The following NLGN1 variants were observed in gnomAD, a reference collection of about 807,000 sequenced individuals.
NLGN1 encodes the protein neuroligin-1.
In NLGN1, 12 loss-of-function variants were observed where a neutral mutation model predicts 65.5. That is an observed-to-expected ratio of 0.18 (90% CI 0.12 to 0.30). The LOEUF (loss-of-function observed/expected upper bound fraction) is 0.30, where lower values mean the gene tolerates loss of function less well. Ranked by LOEUF, NLGN1 falls within the 10% of genes least tolerant of loss-of-function variation. The pLI is 1.00. For synonymous variants in NLGN1, 350 were observed against 359.5 expected (o/e 0.97, Z 0.30); for missense variants, 750 against 1,007.1 (o/e 0.74, Z 3.46).
intron 3 of NLGN1, among the ~76,000 whole-genome samples, chr3:173,742,190 A>T (rs1774753405): frequency 6.6e-6 from 1 of 152,086 alleles, no homozygotes; most frequent in Non-Finnish European, 1.5e-5. Flanking sequence ...TTTTCCCTTT[A>T]CAAGGCTGCA....
intron 4 of NLGN1, among the ~76,000 whole-genome samples, chr3:174,185,286 C>G: frequency 6.6e-6 from 1 of 152,086 alleles, no homozygotes; most frequent in South Asian, 2.1e-4. Context: ...CAGTTCACTC[C>G]TCCTCATCCC....
intron 2 of NLGN1, among the ~76,000 whole-genome samples, chr3:173,516,614 C>T (rs1733858142): frequency 6.6e-6 from 1 of 152,054 alleles, no homozygotes; most frequent in Admixed American, 6.6e-5. Flanking sequence ...CTATTGCCCC[C>T]TCTAAAACCC....
Position 174,234,985 on chromosome 3 carries a change from C to CTTTTTTTT in NLGN1, c.647-40307_647-40300dup, listed in dbSNP as rs748911027. 4.2e-3 allele frequency among the ~76,000 whole-genome samples: 277 copies of CTTTTTTTT among 65,750 alleles called. 80 individuals carry two copies. The highest frequency in any genetic ancestry group is 0.019 in the African/African-American group (242 of 12,494). The allele number at this position is 65,750 out of a possible 152,430, so 43.1% of individuals were successfully genotyped here. On this transcript the variant is annotated intron_variant, in intron 4 of 6. Transcript: ENST00000457714. ...GAGCTTTGTAAAATAAAGGAATCAC[C>CTTTTTTTT]TTTTTTTTTTTTTTTTTTTTTTTTT...
At chr3:173,662,215 C>G (rs973115721) in intron 3 of NLGN1, among the ~76,000 whole-genome samples, 1 of 152,048 alleles carries the variant, frequency 6.6e-6, no homozygotes. Flanking sequence ...GTGCCCAATT[C>G]CATTGCCAAA....
chr3:174,195,968 G>C (rs941543113), intron 4 of NLGN1, among the ~76,000 whole-genome samples: 1 of 152,062 alleles, frequency 6.6e-6, no homozygotes, highest in East Asian at 1.9e-4. Context: ...TGGAGTCCCC[G>C]GGCTCCTTAA....
Position 173,966,611 on chromosome 3 carries a change from G to A in NLGN1, c.646+158779G>A, listed in dbSNP as rs767879669. Among the ~76,000 whole-genome samples, 6 of 152,142 alleles carry A rather than the reference G, an allele frequency of 3.9e-5. No homozygotes were observed. The East Asian group carries it at 5.8e-4, about 15-fold the overall frequency. On this transcript the variant is annotated intron_variant, in intron 4 of 6. Coordinates refer to ENST00000457714, the Ensembl canonical transcript of NLGN1. ...CACATTTCTTACACTGACTCCATCC[G>A]CCTTGGATTGCCAGACTTAGTGATA...
intron 4 of NLGN1, among the ~76,000 whole-genome samples, chr3:174,242,206 G>T (rs373627400): frequency 2.2e-3 from 333 of 152,080 alleles, no homozygotes; most frequent in African/African-American, 7.4e-3. Flanking sequence ...GTTGTAAATT[G>T]TTTAGACTGC....
At chr3:174,191,843 A>G (rs1426594639) in intron 4 of NLGN1, among the ~76,000 whole-genome samples, 2 of 152,086 alleles carry the variant, frequency 1.3e-5, no homozygotes, top group South Asian at 2.1e-4. Flanking sequence ...TCAATGATCT[A>G]TCTCCAAATG....
chr3:173,599,771 T>G (rs905101063), intron 2 of NLGN1, among the ~76,000 whole-genome samples: 3 of 152,166 alleles, frequency 2.0e-5, no homozygotes, highest in African/African-American at 7.2e-5. Context: ...TGCAAACTTG[T>G]CTGTTCACTA....
chr3:174,105,390 T>C (rs1224727015), intron 4 of NLGN1, among the ~76,000 whole-genome samples: 1 of 151,820 alleles, frequency 6.6e-6, no homozygotes, highest in Non-Finnish European at 1.5e-5. Context: ...CTACAAAAAT[T>C]AGCCAGGCAT....
At chr3:174,168,377 G>A (rs1010329185) in intron 4 of NLGN1, among the ~76,000 whole-genome samples, 3 of 151,800 alleles carry the variant, frequency 2.0e-5, no homozygotes, top group African/African-American at 4.8e-5. Context: ...ATGCAAGTAG[G>A]ATTTTCTTCT....
chr3:173,455,443 A>G (rs28855183), intron 2 of NLGN1, among the ~76,000 whole-genome samples: 30,067 of 152,096 alleles, frequency 0.2, 3,295 homozygotes, highest in African/African-American at 0.29. Context: ...ACATTTCAAT[A>G]TGTGATTCAG....
rs115863987 is a variant in NLGN1 at position 173,536,782 on chromosome 3, C to T, written c.-320-67497C>T. Among the ~76,000 whole-genome samples, 1,368 of 150,874 alleles carry T rather than the reference C, an allele frequency of 9.1e-3. 18 individuals carry two copies. The highest frequency in any genetic ancestry group is 0.031 in the African/African-American group (1,274 of 40,952). ...ACGAGTGTGCGTGTGTGTGTGTGTG[C>T]GTAGGGAGAGATAAATTTATTATAA... is the stretch of plus-strand genomic sequence containing the variant. On this transcript the variant is annotated intron_variant, in intron 2 of 6. Coordinates refer to ENST00000457714, the Ensembl canonical transcript of NLGN1.
intron 2 of NLGN1, among the ~76,000 whole-genome samples, chr3:173,511,819 T>C (rs1012970570): frequency 6.6e-6 from 1 of 152,224 alleles, no homozygotes; most frequent in African/African-American, 2.4e-5. Context: ...ATCTCTCTGC[T>C]TACATTATCC....
chr3:173,988,183 A>G (rs995697614), intron 4 of NLGN1, among the ~76,000 whole-genome samples: 7 of 152,188 alleles, frequency 4.6e-5, no homozygotes, highest in Admixed American at 3.3e-4. Context: ...GTAAACAAGA[A>G]CAAGTCCATG....
intron 4 of NLGN1, among the ~76,000 whole-genome samples, chr3:173,902,869 T>C (rs183595414): frequency 6.6e-6 from 1 of 152,262 alleles, no homozygotes; most frequent in Admixed American, 6.5e-5. Context: ...AGGCACTGTT[T>C]TGATGCTAGA....
At chr3:173,840,184 CAAAT>C (rs980351817) in intron 4 of NLGN1, among the ~76,000 whole-genome samples, 6 of 152,060 alleles carry the variant, frequency 3.9e-5, no homozygotes, top group African/African-American at 1.4e-4. Context: ...CCTTAATTGA[CAAAT>C]AAATATACTA....
intron 4 of NLGN1, among the ~76,000 whole-genome samples, chr3:174,263,035 C>T (rs1747261432): frequency 7.5e-6 from 1 of 133,340 alleles, no homozygotes; most frequent in African/African-American, 2.9e-5. Flanking sequence ...TTTGATTGCA[C>T]TGTGGTCTGA....
intron 3 of NLGN1, among the ~76,000 whole-genome samples, chr3:173,804,792 C>A (rs188359987): frequency 6.6e-6 from 1 of 151,926 alleles, no homozygotes; most frequent in African/African-American, 2.4e-5. Flanking sequence ...TTTGGGAGGC[C>A]GAGGAGGGCA....
Sources: gnomAD v4.1 joint callset for allele counts (sites outside exome capture counted in the v4.1 genomes callset) on GRCh38, gnomAD v4.1.1 for gene constraint, MANE v1.5 for transcripts, NCBI Gene and HGNC (gene_info 2026-07-23, HGNC 2026-07-21) for gene names.